Variants in LINGO2 observed in about 807,000 individuals in gnomAD.
The protein encoded by LINGO2 is leucine rich repeat and Ig domain containing 2.
LINGO2 carries 14 observed loss-of-function variants against 30.6 expected under a neutral mutation model. The ratio of observed to expected loss-of-function variants is 0.46; its 90% CI spans 0.30 to 0.72. The LOEUF (loss-of-function observed/expected upper bound fraction) is 0.72. Ranked by LOEUF, LINGO2 falls within the 30% of genes least tolerant of loss-of-function variation. LINGO2 has a pLI of 0.07. For missense variants in LINGO2, 729 were observed against 751.7 expected (o/e 0.97, Z 0.35); for synonymous variants, 317 against 288.5 (o/e 1.10, Z -1.00).
intron 1 of LINGO2, among the ~76,000 whole-genome samples, chr9:28,497,736 T>A (rs1367706852): frequency 6.6e-6 from 1 of 152,198 alleles, no homozygotes; most frequent in East Asian, 1.9e-4. Context: ...AGAGGCACTC[T>A]GATTTTTAGA....
chr9:28,521,100 A>G (rs1288524897), intron 1 of LINGO2, among the ~76,000 whole-genome samples: 3 of 152,188 alleles, frequency 2.0e-5, no homozygotes. Flanking sequence ...AATTGGAGGG[A>G]ATACTAATCC....
chr9:28,398,756 G>T (rs1037369583), intron 2 of LINGO2, among the ~76,000 whole-genome samples: 5 of 151,826 alleles, frequency 3.3e-5, no homozygotes, highest in Admixed American at 1.3e-4. Context: ...ATAATTTTTT[G>T]CTTTAACAAC....
intron 1 of LINGO2, among the ~76,000 whole-genome samples, chr9:28,601,245 G>A (rs1380069859): frequency 2.0e-5 from 3 of 152,100 alleles, no homozygotes; most frequent in Admixed American, 6.6e-5. Flanking sequence ...TGCTGTAGAA[G>A]CATGTGAAAA....
chr9:28,047,416 C>T (rs556446204), intron 4 of LINGO2, among the ~76,000 whole-genome samples: 17 of 141,122 alleles, frequency 1.2e-4, no homozygotes, highest in Non-Finnish European at 2.0e-4. Flanking sequence ...AGTGGCCTTC[C>T]ACTTCTTTTC....
At chr9:28,248,086 C>A (rs146758731) in intron 4 of LINGO2, among the ~76,000 whole-genome samples, 29 of 152,250 alleles carry the variant, frequency 1.9e-4, no homozygotes, top group African/African-American at 6.5e-4. Flanking sequence ...ACAATAAAAT[C>A]CAGCAATCTC....
chr9:28,438,357 G>T (rs1443692292), intron 2 of LINGO2, among the ~76,000 whole-genome samples: 3 of 152,174 alleles, frequency 2.0e-5, no homozygotes, highest in African/African-American at 7.2e-5. Flanking sequence ...AGAATAGAAA[G>T]GTAGAGGAAG....
At chr9:28,462,526 G>C (rs895145289) in intron 2 of LINGO2, among the ~76,000 whole-genome samples, 8 of 151,780 alleles carry the variant, frequency 5.3e-5, no homozygotes, top group Non-Finnish European at 8.8e-5. Flanking sequence ...CACAAATAGG[G>C]GGAAAAAATG....
chr9:28,314,801 G>A (rs976920236), intron 3 of LINGO2, among the ~76,000 whole-genome samples: 1 of 151,986 alleles, frequency 6.6e-6, no homozygotes, highest in Non-Finnish European at 1.5e-5. Flanking sequence ...TGGCTAACAC[G>A]ATGAAACCCC....
chr9:28,085,230 T>A (rs1191246346), intron 4 of LINGO2, among the ~76,000 whole-genome samples: 1 of 152,100 alleles, frequency 6.6e-6, no homozygotes, highest in Admixed American at 6.6e-5. Context: ...TTAAATTTGA[T>A]TGCATTGAGA....
At chr9:28,618,688 G>A (rs1027290213) in intron 1 of LINGO2, among the ~76,000 whole-genome samples, 28 of 152,000 alleles carry the variant, frequency 1.8e-4, no homozygotes, top group Non-Finnish European at 3.7e-4. Flanking sequence ...TATCTGTAAT[G>A]TTCATCCTTT....
intron 5 of LINGO2, among the ~76,000 whole-genome samples, chr9:27,972,807 C>G (rs1410875919): frequency 6.6e-6 from 1 of 152,150 alleles, no homozygotes; most frequent in Non-Finnish European, 1.5e-5. Flanking sequence ...TTGATAGTTA[C>G]ATTCAAACTG....
chr9:28,319,364 A>T (rs1164224449), intron 3 of LINGO2, among the ~76,000 whole-genome samples: 1 of 152,046 alleles, frequency 6.6e-6, no homozygotes, highest in East Asian at 1.9e-4. Context: ...TCTTATATGG[A>T]TTTATATGAT....
chr9:28,176,859 C>G (rs943477653), intron 4 of LINGO2, among the ~76,000 whole-genome samples: 4 of 152,170 alleles, frequency 2.6e-5, no homozygotes, highest in African/African-American at 9.7e-5. Context: ...GTGTCTCATA[C>G]TGTTACTCAA....
At chr9:29,007,611 G>A in the LINGO2 span, among the ~76,000 whole-genome samples, 1 of 151,962 alleles carries the variant, frequency 6.6e-6, no homozygotes, top group African/African-American at 2.4e-5. Context: ...ACAAATACAG[G>A]AATATGAACA....
the LINGO2 span, among the ~76,000 whole-genome samples, chr9:28,705,164 G>A: frequency 3.9e-4 from 60 of 151,980 alleles, no homozygotes; most frequent in African/African-American, 1.4e-3. Flanking sequence ...CAATCCACCC[G>A]TCTCAGCCTC....
the LINGO2 span, among the ~76,000 whole-genome samples, chr9:28,897,797 T>C: frequency 1.3e-5 from 2 of 152,172 alleles, no homozygotes; most frequent in Admixed American, 1.3e-4. Flanking sequence ...TCATTAGTAT[T>C]TCCCACTTAT....
chr9:28,405,211 T>A (rs1177843613), intron 2 of LINGO2, among the ~76,000 whole-genome samples: 1 of 152,124 alleles, frequency 6.6e-6, no homozygotes, highest in East Asian at 1.9e-4. Context: ...ATTACGTAAC[T>A]TGTATATTTA....
chr9:28,368,680 TC>T (rs1390352147), intron 3 of LINGO2, among the ~76,000 whole-genome samples: 1 of 150,678 alleles, frequency 6.6e-6, no homozygotes, highest in African/African-American at 2.4e-5. Context: ...CACTGCAAGC[TC>T]CCCCTCCCGA....
rs569701444 is a variant in LINGO2 at position 28,430,109 on chromosome 9, C to CGCGT, written c.-279+45830_-279+45831insACGC. 3.7e-3 allele frequency among the ~76,000 whole-genome samples: 498 copies of CGCGT among 136,192 alleles called. 1 individual carries two copies. Among genetic ancestry groups the CGCGT allele is most frequent in the African/African-American group, 0.012 (448 of 38,064 alleles). 89.3% of individuals were successfully genotyped at this position (136,192 alleles called of 152,430 possible). A position where few individuals can be genotyped will look rare whatever the true frequency, so the allele number is the denominator to read the frequency against. ...AGGCTGATTTCCACGCGCGCGCGCG[C>CGCGT]GTGTGTGTGTGTGTGTGTGTGATTC... is the stretch of plus-strand genomic sequence containing the variant. On this transcript the variant is annotated intron_variant, in intron 2 of 5. Transcript: ENST00000379992.
Sources: gnomAD v4.1 joint callset for allele counts (sites outside exome capture counted in the v4.1 genomes callset) on GRCh38, gnomAD v4.1.1 for gene constraint, MANE v1.5 for transcripts, NCBI Gene and HGNC (gene_info 2026-07-23, HGNC 2026-07-21) for gene names.